The following PTGES3L variants were observed in gnomAD, a reference collection of about 807,000 sequenced individuals.
PTGES3L encodes putative protein PTGES3L.
A neutral mutation model predicts 25.0 loss-of-function variants in PTGES3L; 17 were observed. That is an observed-to-expected ratio of 0.68 (90% CI 0.47 to 1.02). The LOEUF (loss-of-function observed/expected upper bound fraction) is 1.02. PTGES3L is among the 50% of genes least tolerant of loss of function. The pLI is 0.00. For synonymous variants in PTGES3L, 59 were observed against 65.7 expected (o/e 0.90, Z 0.50); for missense variants, 202 against 197.5 (o/e 1.02, Z -0.14).
Position 42,968,171 on chromosome 17 carries a change from T to C in PTGES3L, c.*977A>G, listed in dbSNP as rs1597731941. ...CATATTAGGCACTCAAAAAAGTTTA[T>C]GGACAAATAGAATAGCTGTTGGACA... On this transcript the variant is annotated 3_prime_UTR_variant, in exon 7 of 7. Coordinates refer to ENST00000591916, the MANE Select transcript of PTGES3L (RefSeq NM_001261430.2). 6.6e-6 allele frequency: 1 copy of C among 152,182 alleles called. No homozygotes were observed. The allele number at this position is 152,182 out of a possible 1,614,324, so 9.4% of individuals were successfully genotyped here.
chr17:42,970,188 T>C, intron 6 of PTGES3L, 101 bp downstream of exon 6: 2 of 1,418,608 alleles, frequency 1.4e-6, no homozygotes, highest in East Asian at 4.6e-5. Flanking sequence ...TAACAGGCAC[T>C]GAGAACTACT....
chr17:42,979,361 TC>T lies in PTGES3L; in HGVS notation c.189+16del. The T allele has an allele frequency of 6.2e-7, 1 of 1,614,126 alleles. No homozygotes were observed. Among genetic ancestry groups the T allele is most frequent in the Non-Finnish European group, 8.5e-7 (1 of 1,180,012 alleles). ...CCCGGTTTCCATCCAAACCTTACTGTCCCATTTCACCCTTACCTTGGAGTTC... is the reference window on the plus strand; with the variant it reads ...CCCGGTTTCCATCCAAACCTTACTGTCCATTTCACCCTTACCTTGGAGTTC... On this transcript the variant is annotated intron_variant, in intron 3 of 6. Transcript: ENST00000591916.
At chr17:42,977,721 G>T (rs2049985507) in intron 4 of PTGES3L, among the ~76,000 whole-genome samples, 1 of 151,764 alleles carries the variant, frequency 6.6e-6, no homozygotes, top group East Asian at 1.9e-4. Context: ...AGAAAAGAAA[G>T]AATAAGACTC....
In PTGES3L at chr17:42,979,612, C is replaced by G; in HGVS notation, c.60G>C (p.Glu20Asp). ...CATCGGTGCTGTCCTCAACACAAAA[C>G]TCCATGAACACATACCTGGGCCTGT... Reference protein sequence around the residue: ...WYDRPRYVFMEFCVEDSTDVH... With the variant: ...WYDRPRYVFMDFCVEDSTDVH... Residue 20 changes from glutamate to aspartate, a missense_variant, in exon 2 of 7, where the codon GAG becomes GAC. Physicochemically the swap from Glu to Asp is conservative, Grantham distance 45 (BLOSUM62 2). Transcript: ENST00000591916. 6.2e-7 allele frequency: 1 copy of G among 1,614,164 alleles called. No individual in the cohort carries two copies. Among genetic ancestry groups the G allele is most frequent in the Non-Finnish European group, 8.5e-7 (1 of 1,180,042 alleles).
At chr17:42,977,626 AGAAAAAGAAAG>A (rs1239985153) in intron 4 of PTGES3L, among the ~76,000 whole-genome samples, 2 of 21,392 alleles carry the variant, frequency 9.3e-5, no homozygotes, top group Admixed American at 9.1e-4. Context: ...AAAGAAAAGA[AGAAAAAGAAAG>A]AAAGAGAGAG....
Position 42,968,885 on chromosome 17 carries a change from A to T in PTGES3L, c.*263T>A, listed in dbSNP as rs2049778949. Reference sequence around the variant, plus strand: ...AAATAATCAAGTGGCCTAAACACAGAGATTAGAAACCAATCAGTAAGAAAT... The same window carrying T: ...AAATAATCAAGTGGCCTAAACACAGTGATTAGAAACCAATCAGTAAGAAAT... On this transcript the variant is annotated 3_prime_UTR_variant, in exon 7 of 7. Coordinates refer to ENST00000591916, the MANE Select transcript of PTGES3L (RefSeq NM_001261430.2). 2.3e-6 allele frequency: 1 copy of T among 436,976 alleles called. No individual in the cohort carries two copies. Among genetic ancestry groups the T allele is most frequent in the Admixed American group, 3.7e-5 (1 of 27,046 alleles). 27.1% of individuals were successfully genotyped at this position (436,976 alleles called of 1,614,324 possible).
intron 4 of PTGES3L, among the ~76,000 whole-genome samples, chr17:42,976,322 G>A (rs1013597789): frequency 6.6e-6 from 1 of 152,114 alleles, no homozygotes; most frequent in Admixed American, 6.6e-5. Flanking sequence ...TTTAGAAGAT[G>A]CACATTTTTA....
At chr17:42,970,100 C>G (rs2049804816) in intron 6 of PTGES3L, among the ~76,000 whole-genome samples, 189 bp downstream of exon 6, 1 of 152,102 alleles carries the variant, frequency 6.6e-6, no homozygotes, top group Non-Finnish European at 1.5e-5. Context: ...GCACTCCAAC[C>G]TGGGCGAAAG....
chr17:42,969,185 T>A lies in PTGES3L; in HGVS notation c.434A>T (p.Asp145Val). ...RPPPAMDDLDDDSDSADDATS... is the reference protein window; with the variant it reads ...RPPPAMDDLDVDSDSADDATS... Reference sequence around the variant, plus strand: ...TGCATCATCAGCACTGTCAGAATCATCCTGGGGGCGGGGGGGAAAAAAGAC... The same window carrying A: ...TGCATCATCAGCACTGTCAGAATCAACCTGGGGGCGGGGGGGAAAAAAGAC... The change falls in exon 7 of 7, where the codon GAT (aspartate) becomes GTT (valine). Residue 145 changes from aspartate (D) to valine (V), a missense_variant and splice_region_variant. Transcript: ENST00000591916. 3.0e-6 allele frequency: 3 copies of A among 991,716 alleles called. No homozygotes were observed. Among genetic ancestry groups the A allele is most frequent in the South Asian group, 1.4e-5 (1 of 69,012 alleles). 61.4% of individuals were successfully genotyped at this position (991,716 alleles called of 1,614,324 possible).
At chr17:42,977,685 A>G (rs143261633) in intron 4 of PTGES3L, among the ~76,000 whole-genome samples, 2 of 103,698 alleles carry the variant, frequency 1.9e-5, no homozygotes, top group African/African-American at 5.2e-5. Flanking sequence ...GAGAGAGAGA[A>G]AGAAAGAAAA....
chr17:42,972,586 G>C (rs2049864819), intron 4 of PTGES3L, among the ~76,000 whole-genome samples: 1 of 152,116 alleles, frequency 6.6e-6, no homozygotes, highest in Non-Finnish European at 1.5e-5. Flanking sequence ...GGCCTCCCGA[G>C]GTGCCGGGAT....
chr17:42,973,127 A>C (rs1158179831), intron 4 of PTGES3L, among the ~76,000 whole-genome samples: 16 of 121,270 alleles, frequency 1.3e-4, no homozygotes, highest in Middle Eastern at 5.2e-3. Flanking sequence ...TCCGCCCGGC[A>C]GCCACCCCAT....
Position 42,968,348 on chromosome 17 carries a change from T to C in PTGES3L, c.*800A>G, listed in dbSNP as rs2049770451. On this transcript the variant is annotated 3_prime_UTR_variant, in exon 7 of 7. Transcript: ENST00000591916. ...GAGTTCGAGACCAGCCTGGCCAACA[T>C]GGTGAAACCCCATCTCTGCTAAAAA... 1 of 151,988 alleles carries C rather than the reference T, an allele frequency of 6.6e-6. No individual in the cohort carries two copies. The highest frequency in any genetic ancestry group is 1.5e-5 in the Non-Finnish European group (1 of 68,032). The allele number at this position is 151,988 out of a possible 1,614,324, so 9.4% of individuals were successfully genotyped here.
At chr17:42,972,583 C>T (rs1364691839) in intron 4 of PTGES3L, among the ~76,000 whole-genome samples, 2 of 152,106 alleles carry the variant, frequency 1.3e-5, no homozygotes, top group East Asian at 3.9e-4. Flanking sequence ...CTCGGCCTCC[C>T]GAGGTGCCGG....
intron 4 of PTGES3L, among the ~76,000 whole-genome samples, chr17:42,974,132 G>A (rs1373483981): frequency 6.6e-6 from 1 of 152,010 alleles, no homozygotes; most frequent in Non-Finnish European, 1.5e-5. Flanking sequence ...GGGCCAGGGT[G>A]GGTGGATCAC....
rs570848717 is a variant in PTGES3L at position 42,974,557 on chromosome 17, G to A, written c.289-2861C>T. Among the ~76,000 whole-genome samples, 19 of 152,010 alleles carry A rather than the reference G, an allele frequency of 1.2e-4. No homozygotes were observed. In the South Asian group the frequency reaches 3.7e-3, roughly 30 times the overall value. On this transcript the variant is annotated intron_variant, in intron 4 of 6. Transcript: ENST00000591916. ...GGAGGCTGAGGCAGGTGGATCACTT[G>A]ACGTCAGGAGTTTGAGACCAGCCTG...
At chr17:42,971,484 G>A (rs757642138) in intron 5 of PTGES3L, 123 bp downstream of exon 5, 4 of 962,714 alleles carry the variant, frequency 4.2e-6, no homozygotes, top group Non-Finnish European at 6.3e-6. Flanking sequence ...GCATCAATGA[G>A]TAACCTGCCT....
intron 4 of PTGES3L, among the ~76,000 whole-genome samples, chr17:42,972,611 C>T (rs1013643144): frequency 1.3e-5 from 2 of 152,110 alleles, no homozygotes; most frequent in African/African-American, 4.8e-5. Flanking sequence ...GACGGAGTCT[C>T]GTTCACTCAG....
At chr17:42,978,674 C>G (rs1448709802) in intron 4 of PTGES3L, among the ~76,000 whole-genome samples, 1 of 151,266 alleles carries the variant, frequency 6.6e-6, no homozygotes, top group East Asian at 2.0e-4. Flanking sequence ...TGTAACAAAC[C>G]TGCATGTTCT....
Sources: allele counts gnomAD v4.1 joint callset (sites outside exome capture counted in the v4.1 genomes callset), GRCh38; gene constraint gnomAD v4.1.1; transcripts MANE v1.5; gene names NCBI Gene and HGNC (gene_info 2026-07-23, HGNC 2026-07-21).